The following LRCH1 variants were observed in gnomAD, a reference collection of about 807,000 sequenced individuals.
LRCH1 encodes leucine rich repeats and calponin homology domain containing 1, also known as leucine-rich repeat and calponin homology domain-containing protein 1.
A neutral mutation model predicts 94.9 loss-of-function variants in LRCH1; 23 were observed. That is an observed-to-expected ratio of 0.24 (90% CI 0.17 to 0.34). The LOEUF (loss-of-function observed/expected upper bound fraction) is 0.34, where lower values mean the gene tolerates loss of function less well. LRCH1 is among the 10% of genes least tolerant of loss of function. The pLI, the probability that LRCH1 is intolerant of heterozygous loss-of-function variation, is 1.00. For missense variants in LRCH1, 790 were observed against 945.9 expected (o/e 0.84, Z 2.16); for synonymous variants, 364 against 354.9 (o/e 1.03, Z -0.29).
intron 1 of LRCH1, among the ~76,000 whole-genome samples, chr13:46,565,534 G>A (rs1003124048): frequency 2.0e-5 from 3 of 151,650 alleles, no homozygotes; most frequent in Admixed American, 6.6e-5. Flanking sequence ...TGCTGGGGCC[G>A]GGTGCAATGG....
chr13:46,676,073 C>T (rs962522312), intron 3 of LRCH1, among the ~76,000 whole-genome samples: 4 of 152,152 alleles, frequency 2.6e-5, no homozygotes, highest in African/African-American at 7.2e-5. Flanking sequence ...CCAGCCTGAC[C>T]AACATGGTGA....
chr13:46,597,524 T>C (rs2050578043), intron 1 of LRCH1, among the ~76,000 whole-genome samples: 2 of 152,088 alleles, frequency 1.3e-5, no homozygotes, highest in African/African-American at 4.8e-5. Context: ...GCCCGGCTAA[T>C]TTTTATATTT....
At position 46,724,802 on chromosome 13, in the gene LRCH1, G is replaced by T. The variant is rs144096788; in HGVS notation, c.1869+1472G>T. ...CTGTGAACTAAAAGAGTCTAAGAAA[G>T]CTTCTTGACTAATAACAGAACAACC... On this transcript the variant is annotated intron_variant, in intron 17 of 19. Transcript: ENST00000389797. 9.6e-4 allele frequency among the ~76,000 whole-genome samples: 146 copies of T among 152,284 alleles called. No individual in the cohort carries two copies. The East Asian group carries it at 0.026, about 27-fold the overall frequency.
chr13:46,593,201 C>T (rs2050519750), intron 1 of LRCH1, among the ~76,000 whole-genome samples: 1 of 151,066 alleles, frequency 6.6e-6, no homozygotes, highest in African/African-American at 2.4e-5. Flanking sequence ...TAAAGTTCAT[C>T]AGTGTATTTT....
chr13:46,613,773 C>T (rs1201280942), intron 1 of LRCH1, among the ~76,000 whole-genome samples: 3 of 152,198 alleles, frequency 2.0e-5, no homozygotes, highest in African/African-American at 7.2e-5. Context: ...AGGGTGACCA[C>T]AGAAGTTATT....
intron 18 of LRCH1, 112 bp from the exon 19 acceptor site, chr13:46,733,809 G>T: frequency 5.1e-6 from 3 of 584,076 alleles, no homozygotes; most frequent in South Asian, 2.3e-5. Context: ...ATTTTCTTTT[G>T]CTCCAATAAA....
rs767804661 is a variant in LRCH1 at position 46,723,247 on chromosome 13, G to C, written c.1786G>C (p.Glu596Gln). 1.1e-5 allele frequency: 17 copies of C among 1,612,648 alleles called. No homozygotes were observed. The highest frequency in any genetic ancestry group is 3.4e-6 in the Non-Finnish European group (4 of 1,179,128). ...GTTTCTAAGACCTCAGAGAAATTTGGAATCTATAGACCCGCAGTTTACAAT... is the reference window on the plus strand; with the variant it reads ...GTTTCTAAGACCTCAGAGAAATTTGCAATCTATAGACCCGCAGTTTACAAT... Reference protein sequence around the residue: ...NVFLRPQRNLESIDPQFTIRR... With the variant: ...NVFLRPQRNLQSIDPQFTIRR... Residue 596 changes from glutamate (E) to glutamine (Q), a missense_variant, in exon 17 of 20, where the codon GAA becomes CAA. Physicochemically the swap from Glu to Gln is conservative, Grantham distance 29 (BLOSUM62 2). Coordinates refer to ENST00000389797, the MANE Select transcript of LRCH1 (RefSeq NM_001164211.2).
intron 19 of LRCH1, among the ~76,000 whole-genome samples, chr13:46,738,663 C>G (rs1873507742): frequency 6.6e-6 from 1 of 152,146 alleles, no homozygotes; most frequent in East Asian, 1.9e-4. Flanking sequence ...TAAATCATAA[C>G]TAACACTTTG....
intron 1 of LRCH1, among the ~76,000 whole-genome samples, chr13:46,554,052 G>A (rs543736837): frequency 6.6e-6 from 1 of 152,362 alleles, no homozygotes; most frequent in Admixed American, 6.5e-5. Flanking sequence ...CAGTGTAAGT[G>A]GGAGGTTTCA....
chr13:46,720,046 C>CTA (rs1165144504), intron 16 of LRCH1, among the ~76,000 whole-genome samples: 1 of 151,990 alleles, frequency 6.6e-6, no homozygotes, highest in Non-Finnish European at 1.5e-5. Flanking sequence ...AGTAATTAAA[C>CTA]TATAGGCTTA....
chr13:46,683,927 A>G (rs1870466824), intron 4 of LRCH1, among the ~76,000 whole-genome samples: 2 of 152,182 alleles, frequency 1.3e-5, no homozygotes, highest in African/African-American at 4.8e-5. Flanking sequence ...ACAAAAGACC[A>G]TTGAAAATAC....
rs1359558065 is a variant in LRCH1 at position 46,744,666 on chromosome 13, A to C, written c.*2818A>C. The stretch of plus-strand genomic sequence containing the variant: ...AAACTAGCGCGTGGTGAGCTGGGTT[A>C]TCTCTCGAAAACTCATGTAGATGCC... On this transcript the variant is annotated 3_prime_UTR_variant, in exon 20 of 20. Transcript: ENST00000389797. 2.0e-6 allele frequency: 2 copies of C among 985,328 alleles called. No individual in the cohort carries two copies. Among genetic ancestry groups the C allele is most frequent in the African/African-American group, 3.5e-5 (2 of 57,238 alleles). The allele number at this position is 985,328 out of a possible 1,614,324, so 61.0% of individuals were successfully genotyped here.
intron 16 of LRCH1, among the ~76,000 whole-genome samples, chr13:46,715,924 G>A (rs940266289): frequency 1.3e-5 from 2 of 151,698 alleles, no homozygotes; most frequent in African/African-American, 4.8e-5. Context: ...CCCCTTTTCT[G>A]CTTGGGTTTT....
intron 1 of LRCH1, among the ~76,000 whole-genome samples, chr13:46,637,096 C>T (rs963044943): frequency 6.6e-6 from 1 of 152,228 alleles, no homozygotes; most frequent in Non-Finnish European, 1.5e-5. Flanking sequence ...AGGATGGCAA[C>T]TCCGTTCTTC....
At chr13:46,722,363 A>G (rs1396353774) in intron 16 of LRCH1, among the ~76,000 whole-genome samples, 2 of 152,194 alleles carry the variant, frequency 1.3e-5, no homozygotes, top group African/African-American at 4.8e-5. Context: ...AATCTCTAGG[A>G]AGAAAAAAAA....
intron 1 of LRCH1, among the ~76,000 whole-genome samples, chr13:46,616,324 C>T (rs1420113610): frequency 6.6e-6 from 1 of 152,086 alleles, no homozygotes; most frequent in African/African-American, 2.4e-5. Context: ...TATGCTACGG[C>T]GCCATAAAAA....
At chr13:46,687,131 G>A (rs1870662907) in intron 5 of LRCH1, among the ~76,000 whole-genome samples, 1 of 151,734 alleles carries the variant, frequency 6.6e-6, no homozygotes, top group Non-Finnish European at 1.5e-5. Context: ...GATAGTTTTT[G>A]TATTTTTAGT....
chr13:46,661,242 A>C (rs1366575519), intron 2 of LRCH1, among the ~76,000 whole-genome samples: 6 of 152,136 alleles, frequency 3.9e-5, no homozygotes. Context: ...ACACAGAGGC[A>C]CTCACTAGCC....
At chr13:46,617,376 C>CT (rs768542063) in intron 1 of LRCH1, among the ~76,000 whole-genome samples, 2 of 152,218 alleles carry the variant, frequency 1.3e-5, no homozygotes, top group Non-Finnish European at 2.9e-5. Context: ...CTAAGTCTCT[C>CT]TTTTTCCTTT....
Sources: gnomAD v4.1 joint callset for allele counts (sites outside exome capture counted in the v4.1 genomes callset) on GRCh38, gnomAD v4.1.1 for gene constraint, MANE v1.5 for transcripts, NCBI Gene and HGNC (gene_info 2026-07-23, HGNC 2026-07-21) for gene names.